Variants in NCKAP5 observed in about 807,000 individuals in gnomAD.
The protein encoded by NCKAP5 is NCK associated protein 5.
In NCKAP5, 92 loss-of-function variants were observed where a neutral mutation model predicts 167.0. The observed-to-expected ratio is 0.55, with a 90% CI of 0.47 to 0.66. NCKAP5 has a LOEUF of 0.66. NCKAP5 is among the 30% of genes least tolerant of loss of function. The pLI is 0.00. For synonymous variants in NCKAP5, 891 were observed against 877.4 expected, an observed-to-expected ratio of 1.02 and a Z score of -0.27; for missense variants, 2,378 against 2,315.0, an observed-to-expected ratio of 1.03 and a Z score of -0.56.
At chr2:133,337,323 T>A (rs1683279075) in intron 3 of NCKAP5, among the ~76,000 whole-genome samples, 1 of 152,166 alleles carries the variant, frequency 6.6e-6, no homozygotes, top group Non-Finnish European at 1.5e-5. Flanking sequence ...ATGCTCCAGA[T>A]TCAGGACAAC....
chr2:133,402,035 C>T (rs1688133954), intron 3 of NCKAP5, among the ~76,000 whole-genome samples: 1 of 152,166 alleles, frequency 6.6e-6, no homozygotes, highest in African/African-American at 2.4e-5. Context: ...GGATGTCACC[C>T]TGTCAGCGTC....
At chr2:133,350,690 T>C (rs1183391037) in intron 3 of NCKAP5, among the ~76,000 whole-genome samples, 3 of 152,096 alleles carry the variant, frequency 2.0e-5, no homozygotes, top group Non-Finnish European at 2.9e-5. Context: ...CAGTGAGCTC[T>C]GGATGGTCTG....
chr2:132,735,275 C>T (rs1331501847), intron 16 of NCKAP5, among the ~76,000 whole-genome samples: 2 of 152,154 alleles, frequency 1.3e-5, no homozygotes, highest in African/African-American at 2.4e-5. Flanking sequence ...GAGCTGGAGG[C>T]TGGTGGGAGG....
At chr2:133,381,167 C>A (rs1023444199) in intron 3 of NCKAP5, among the ~76,000 whole-genome samples, 1 of 152,064 alleles carries the variant, frequency 6.6e-6, no homozygotes, top group Non-Finnish European at 1.5e-5. Context: ...TATCTCAGGA[C>A]GAGGATGACA....
chr2:133,639,327 A>T, the NCKAP5 span, among the ~76,000 whole-genome samples: 1 of 152,206 alleles, frequency 6.6e-6, no homozygotes, highest in Non-Finnish European at 1.5e-5. Flanking sequence ...ATAGGCCCTT[A>T]AAAACTCTTG....
chr2:132,861,986 T>A (rs1036324962), intron 10 of NCKAP5, among the ~76,000 whole-genome samples: 12 of 152,246 alleles, frequency 7.9e-5, no homozygotes, highest in Non-Finnish European at 1.3e-4. Flanking sequence ...GGGATGATGA[T>A]GGCAAATTCT....
intron 3 of NCKAP5, among the ~76,000 whole-genome samples, chr2:133,404,813 C>A (rs1042850884): frequency 6.6e-6 from 1 of 152,178 alleles, no homozygotes; most frequent in South Asian, 2.1e-4. Context: ...TAGCAGATGG[C>A]CCTGCTGTCT....
In NCKAP5 at chr2:132,754,502, A is replaced by G. The variant is rs143522654; in HGVS notation, c.5128+19314T>C. Reference sequence around the variant, plus strand: ...TATCCAAGGGGTTTATTAGGAAGTAATAACCAACTAAGCTTCCCAACTCCT... The same window carrying G: ...TATCCAAGGGGTTTATTAGGAAGTAGTAACCAACTAAGCTTCCCAACTCCT... On this transcript the variant is annotated intron_variant, in intron 16 of 19. Coordinates refer to ENST00000409261, the MANE Select transcript of NCKAP5 (RefSeq NM_207363.3). 3.7e-3 allele frequency among the ~76,000 whole-genome samples: 566 copies of G among 152,320 alleles called. 6 individuals are homozygous for G. Among genetic ancestry groups the G allele is most frequent in the African/African-American group, 0.013 (546 of 41,566 alleles).
Position 132,916,702 on chromosome 2 carries a change from T to C in NCKAP5, c.580-37786A>G, listed in dbSNP as rs148820233. Among the ~76,000 whole-genome samples, 37 of 152,226 alleles carry C rather than the reference T, an allele frequency of 2.4e-4. No homozygotes were observed. The East Asian group carries it at 6.7e-3, about 28-fold the overall frequency. On this transcript the variant is annotated intron_variant, in intron 8 of 19. Coordinates refer to ENST00000409261, the MANE Select transcript of NCKAP5 (RefSeq NM_207363.3). ...CTTAGGACCAAAAGTACAGCTTATA[T>C]GTGGCACTAGCTGCTTAATTTTGAA...
chr2:133,489,734 GT>G (rs1230567405), intron 3 of NCKAP5, among the ~76,000 whole-genome samples: 1 of 152,172 alleles, frequency 6.6e-6, no homozygotes, highest in Admixed American at 6.5e-5. Flanking sequence ...GTTTGTATTT[GT>G]TTTTGTGGAG....
intron 4 of NCKAP5, among the ~76,000 whole-genome samples, chr2:133,215,373 T>C (rs1426015482): frequency 6.6e-6 from 1 of 152,168 alleles, no homozygotes; most frequent in East Asian, 1.9e-4. Flanking sequence ...CCAGAAACTG[T>C]TAAAAATGTA....
chr2:133,469,543 T>A (rs1445731277), intron 3 of NCKAP5, among the ~76,000 whole-genome samples: 2 of 152,078 alleles, frequency 1.3e-5, no homozygotes, highest in Non-Finnish European at 2.9e-5. Context: ...ATTTCCTGAA[T>A]CTGAATGTTG....
intron 4 of NCKAP5, among the ~76,000 whole-genome samples, chr2:133,267,046 C>G (rs976468357): frequency 2.0e-5 from 3 of 151,826 alleles, no homozygotes; most frequent in South Asian, 4.2e-4. Context: ...CTCAACCGAA[C>G]GGTTCTGACA....
chr2:133,030,369 C>G (rs2149420650), intron 6 of NCKAP5, among the ~76,000 whole-genome samples: 1 of 152,288 alleles, frequency 6.6e-6, no homozygotes, highest in East Asian at 1.9e-4. Flanking sequence ...AGCCCAGCCG[C>G]CGTGTTTGTC....
At chr2:133,597,475 C>G in the NCKAP5 span, among the ~76,000 whole-genome samples, 1 of 152,016 alleles carries the variant, frequency 6.6e-6, no homozygotes, top group African/African-American at 2.4e-5. Flanking sequence ...CGAGACCATC[C>G]TGGCTAACAA....
chr2:133,185,214 G>C (rs935669980), intron 5 of NCKAP5, among the ~76,000 whole-genome samples: 2 of 152,066 alleles, frequency 1.3e-5, no homozygotes, highest in African/African-American at 4.8e-5. Flanking sequence ...GTATTGAATA[G>C]GATTCCTTTC....
At chr2:132,803,965 G>A (rs899564424) in intron 11 of NCKAP5, among the ~76,000 whole-genome samples, 2 of 152,194 alleles carry the variant, frequency 1.3e-5, no homozygotes, top group Non-Finnish European at 2.9e-5. Context: ...GGAGGCCAGT[G>A]TATTAACCAC....
chr2:132,770,391 A>T (rs1681927142), intron 16 of NCKAP5, among the ~76,000 whole-genome samples: 1 of 148,064 alleles, frequency 6.8e-6, no homozygotes, highest in Non-Finnish European at 1.5e-5. Flanking sequence ...ATATATTATA[A>T]ATTGTATATA....
At chr2:132,971,430 T>C (rs1033355342) in intron 7 of NCKAP5, among the ~76,000 whole-genome samples, 2 of 152,276 alleles carry the variant, frequency 1.3e-5, no homozygotes, top group African/African-American at 4.8e-5. Context: ...AGGAGTTTTG[T>C]CTTTACCCTC....
Sources: allele counts gnomAD v4.1 joint callset (sites outside exome capture counted in the v4.1 genomes callset), GRCh38; gene constraint gnomAD v4.1.1; transcripts MANE v1.5; gene names NCBI Gene and HGNC (gene_info 2026-07-23, HGNC 2026-07-21).